Variants in RBFOX1 observed in about 807,000 individuals in gnomAD.
The protein encoded by RBFOX1 is RNA binding protein fox-1 homolog 1.
RBFOX1 carries 8 observed loss-of-function variants against 57.7 expected under a neutral mutation model. That is an observed-to-expected ratio of 0.14 (90% CI 0.08 to 0.25). The LOEUF is 0.25. Among genes scored for constraint, RBFOX1 ranks in the 10% least tolerant of loss-of-function variants. The pLI, the probability that RBFOX1 is intolerant of heterozygous loss-of-function variation, is 1.00. For missense variants in RBFOX1, 611 were observed against 548.5 expected (o/e 1.11, Z -1.14); for synonymous variants, 326 against 222.4 (o/e 1.47, Z -4.15).
chr16:7,444,088 C>G (rs542486095), intron 4 of RBFOX1, among the ~76,000 whole-genome samples: 29 of 152,330 alleles, frequency 1.9e-4, no homozygotes, highest in African/African-American at 7.0e-4. Context: ...CACACATGTG[C>G]AAAACTCTTG....
chr16:6,170,940 A>C (rs144212283), intron 1 of RBFOX1, among the ~76,000 whole-genome samples: 70 of 152,270 alleles, frequency 4.6e-4, no homozygotes, highest in African/African-American at 1.5e-3. Context: ...TTGTAGTTGC[A>C]TAGTATTCCA....
intron 3 of RBFOX1, among the ~76,000 whole-genome samples, chr16:7,008,491 G>C (rs766023754): frequency 3.3e-5 from 5 of 152,032 alleles, no homozygotes; most frequent in Non-Finnish European, 7.4e-5. Flanking sequence ...AGTGATCTGA[G>C]ATCATACCAC....
At chr16:5,904,390 G>A (rs2058390616) in intron 4 of RBFOX1, among the ~76,000 whole-genome samples, 1 of 152,006 alleles carries the variant, frequency 6.6e-6, no homozygotes, top group South Asian at 2.1e-4. Flanking sequence ...GTGTTTAGGA[G>A]CTCGTTTTGT....
intron 3 of RBFOX1, among the ~76,000 whole-genome samples, chr16:6,854,480 T>C (rs1178003915): frequency 6.6e-6 from 1 of 151,938 alleles, no homozygotes; most frequent in Non-Finnish European, 1.5e-5. Flanking sequence ...CTGCCAGAAA[T>C]AGGAAGTTTA....
rs567463264 is a variant in RBFOX1 at position 5,710,951 on chromosome 16, A to G, written c.318+111990A>G. On this transcript the variant is annotated intron_variant, in intron 3 of 19. Transcript: ENST00000641259. ...TGTGTTAAGTTTTCCTTCACCTATT[A>G]AAAACATATTTATTGCAAAACCATC... Among the ~76,000 whole-genome samples, 45 of 152,300 alleles carry G rather than the reference A, an allele frequency of 3.0e-4. No homozygotes were observed. In the South Asian group the frequency reaches 8.9e-3, roughly 30 times the overall value.
intron 1 of RBFOX1, among the ~76,000 whole-genome samples, chr16:6,282,045 T>G (rs1165026946): frequency 1.3e-5 from 2 of 152,186 alleles, no homozygotes; most frequent in African/African-American, 2.4e-5. Context: ...TAACTGTTCC[T>G]GAGTAGAGAA....
intron 3 of RBFOX1, among the ~76,000 whole-genome samples, chr16:6,941,620 T>C (rs1247078266): frequency 6.6e-6 from 1 of 151,918 alleles, no homozygotes; most frequent in Non-Finnish European, 1.5e-5. Context: ...TCCTCTGCCC[T>C]TCATACCTGT....
At chr16:7,303,968 G>C (rs1228902447) in intron 4 of RBFOX1, among the ~76,000 whole-genome samples, 1 of 151,972 alleles carries the variant, frequency 6.6e-6, no homozygotes, top group Non-Finnish European at 1.5e-5. Context: ...CCTTCACAGG[G>C]GTATGGGGTG....
intron 2 of RBFOX1, among the ~76,000 whole-genome samples, chr16:5,496,652 A>C (rs1309403265): frequency 6.6e-6 from 1 of 152,242 alleles, no homozygotes; most frequent in Middle Eastern, 3.4e-3. Flanking sequence ...TAAACGAGGG[A>C]GAGTGAGGAG....
At chr16:6,706,749 CCAATCTTACAAGA>C (rs773061110) in intron 3 of RBFOX1, among the ~76,000 whole-genome samples, 33 of 148,540 alleles carry the variant, frequency 2.2e-4, no homozygotes, top group Non-Finnish European at 4.1e-4. Flanking sequence ...TGGCAGAGTT[CCAATCTTACAAGA>C]CATACGGCCA....
intron 3 of RBFOX1, among the ~76,000 whole-genome samples, chr16:5,848,087 C>T (rs1041913225): frequency 6.6e-6 from 1 of 152,108 alleles, no homozygotes; most frequent in African/African-American, 2.4e-5. Flanking sequence ...CTGGCCAACC[C>T]AGAGATTTGT....
intron 4 of RBFOX1, among the ~76,000 whole-genome samples, chr16:5,934,180 T>C (rs2059123889): frequency 6.6e-6 from 1 of 152,370 alleles, no homozygotes; most frequent in South Asian, 2.1e-4. Flanking sequence ...TGCTGCTGTT[T>C]CGTTGGCCTT....
At chr16:5,506,045 C>G (rs1567172626) in intron 2 of RBFOX1, among the ~76,000 whole-genome samples, 2 of 152,110 alleles carry the variant, frequency 1.3e-5, no homozygotes, top group African/African-American at 4.8e-5. Flanking sequence ...TCTCAGAGTC[C>G]TAGACTCTGA....
intron 3 of RBFOX1, among the ~76,000 whole-genome samples, chr16:6,849,377 T>C (rs2093943998): frequency 6.6e-6 from 1 of 152,158 alleles, no homozygotes; most frequent in Non-Finnish European, 1.5e-5. Flanking sequence ...TAGATAGAAC[T>C]GAAAGGCCTG....
intron 4 of RBFOX1, among the ~76,000 whole-genome samples, chr16:7,362,548 G>C (rs1302480341): frequency 6.6e-6 from 1 of 152,100 alleles, no homozygotes; most frequent in African/African-American, 2.4e-5. Flanking sequence ...GTAGATGTTA[G>C]TGTGTGGATG....
intron 4 of RBFOX1, among the ~76,000 whole-genome samples, chr16:5,981,818 G>T (rs939966715): frequency 3.3e-5 from 5 of 152,124 alleles, no homozygotes; most frequent in African/African-American, 1.2e-4. Context: ...CTGAACGGAC[G>T]TTTGACAATG....
At chr16:5,554,663 CAAAT>C (rs1707868898) in intron 2 of RBFOX1, among the ~76,000 whole-genome samples, 1 of 152,196 alleles carries the variant, frequency 6.6e-6, no homozygotes, top group Middle Eastern at 3.4e-3. Context: ...AAATTTAAGA[CAAAT>C]GAATTGGTTA....
chr16:6,590,753 G>A (rs780226112), intron 2 of RBFOX1, among the ~76,000 whole-genome samples: 1 of 152,130 alleles, frequency 6.6e-6, no homozygotes, highest in Non-Finnish European at 1.5e-5. Context: ...TTAGCTGTCC[G>A]TGAAGGGTGT....
chr16:6,077,917 C>T (rs1205756362), intron 1 of RBFOX1, among the ~76,000 whole-genome samples: 1 of 152,044 alleles, frequency 6.6e-6, no homozygotes, highest in Admixed American at 6.6e-5. Flanking sequence ...ATTGGAAGGA[C>T]TCCTCTCATG....
Sources: gnomAD v4.1 joint callset for allele counts (sites outside exome capture counted in the v4.1 genomes callset) on GRCh38, gnomAD v4.1.1 for gene constraint, MANE v1.5 for transcripts, NCBI Gene and HGNC (gene_info 2026-07-23, HGNC 2026-07-21) for gene names.